HSD17B11: variants seen among roughly 807,000 people sequenced by gnomAD.
HSD17B11 encodes estradiol 17-beta-dehydrogenase 11.
In HSD17B11, 22 loss-of-function variants were observed where a neutral mutation model predicts 27.8. The observed-to-expected ratio is 0.79, with a 90% confidence interval of 0.56 to 1.13. The LOEUF (loss-of-function observed/expected upper bound fraction) is 1.13. HSD17B11 is among the 50% of genes most tolerant of loss of function. The probability of loss-of-function intolerance (pLI) is 0.00; values close to 1 mark genes in which losing one functional copy is unlikely to be tolerated. For synonymous variants in HSD17B11, 117 were observed against 132.8 expected, an observed-to-expected ratio of 0.88 and a Z score of 0.82; for missense variants, 314 against 351.1, an observed-to-expected ratio of 0.89 and a Z score of 0.84.
intron 1 of HSD17B11, among the ~76,000 whole-genome samples, chr4:87,383,420 A>C (rs1167486403): frequency 1.3e-5 from 2 of 152,204 alleles, no homozygotes; most frequent in African/African-American, 4.8e-5. Flanking sequence ...AGATGACACA[A>C]ACTTGAAATG....
At chr4:87,344,489 T>C (rs993792583) in intron 5 of HSD17B11, among the ~76,000 whole-genome samples, 3 of 152,170 alleles carry the variant, frequency 2.0e-5, no homozygotes, top group Non-Finnish European at 2.9e-5. Flanking sequence ...CCCAAAATAT[T>C]ATACATGAAG....
chr4:87,390,992 TAA>T lies in HSD17B11; in HGVS notation c.77_78del (p.Phe26TyrfsTer3). ...VCSLESFVKL[F>X]IPKRRKSVTG... ...GTGACTGATTTTCTCCTCTTAGGAA[TAA>T]AAAGCTTCACGAAGGACTCTAGGGA... On this transcript the variant is annotated frameshift_variant, in exon 1 of 7. Transcript: ENST00000358290. LOFTEE classifies it high-confidence loss of function. 6.2e-7 allele frequency: 1 copy of T among 1,613,974 alleles called. No individual in the cohort carries two copies. The highest frequency in any genetic ancestry group is 8.5e-7 in the Non-Finnish European group (1 of 1,179,978).
At chr4:87,343,682 G>A (rs1188976278) in intron 5 of HSD17B11, among the ~76,000 whole-genome samples, 2 of 151,918 alleles carry the variant, frequency 1.3e-5, no homozygotes, top group African/African-American at 4.8e-5. Context: ...CAAGTAGCTG[G>A]GATTACAGGC....
chr4:87,364,336 G>A (rs1735580129), intron 4 of HSD17B11, among the ~76,000 whole-genome samples: 2 of 151,610 alleles, frequency 1.3e-5, no homozygotes, highest in Non-Finnish European at 1.5e-5. Flanking sequence ...ATTAAAAGCA[G>A]ATAGATTCCT....
rs149487563 is a variant in HSD17B11 at position 87,363,171 on chromosome 4, G to T, written c.558-5755C>A. On this transcript the variant is annotated intron_variant, in intron 4 of 6. Coordinates refer to ENST00000358290, the MANE Select transcript of HSD17B11 (RefSeq NM_016245.5). ...ATGCAGCTTGGCCCCCGGGGAGATG[G>T]TGCCACAAGCCCGATCACTAGGGCT... Among the ~76,000 whole-genome samples, 381 of 152,182 alleles carry T rather than the reference G, an allele frequency of 2.5e-3. 3 individuals are homozygous for T. Among genetic ancestry groups the T allele is most frequent in the South Asian group, 0.021 (99 of 4,822 alleles).
Position 87,340,590 on chromosome 4 carries a change from C to G in HSD17B11, c.712G>C (p.Glu238Gln), listed in dbSNP as rs1439643805. The G allele has an allele frequency of 3.1e-6, 5 of 1,611,572 alleles. No individual in the cohort carries two copies. The Middle Eastern group carries it at 5.0e-4, about 160-fold the overall frequency. The change falls in exon 6 of 7, where the codon GAA becomes CAA. Residue 238 changes from glutamate to glutamine, a missense_variant. Physicochemically the swap from Glu to Gln is conservative, Grantham distance 29 (BLOSUM62 2). Coordinates refer to ENST00000358290, the MANE Select transcript of HSD17B11 (RefSeq NM_016245.5). Reference sequence around the variant, plus strand: ...AGCCTGTTTACCACTTCCTCAGGTTCCAGAGTGGGTCCCAAACTGAAATCA... The same window carrying G: ...AGCCTGTTTACCACTTCCTCAGGTTGCAGAGTGGGTCCCAAACTGAAATCA... ...NPSTSLGPTLEPEEVVNRLMH... is the reference protein window; with the variant it reads ...NPSTSLGPTLQPEEVVNRLMH...
chr4:87,363,184 G>A (rs534121495), intron 4 of HSD17B11, among the ~76,000 whole-genome samples: 49 of 152,120 alleles, frequency 3.2e-4, no homozygotes, highest in Middle Eastern at 3.4e-3. Flanking sequence ...CCACAAGCCC[G>A]ATCACTAGGG....
chr4:87,383,168 C>T (rs1720218284), intron 1 of HSD17B11, among the ~76,000 whole-genome samples: 1 of 152,036 alleles, frequency 6.6e-6, no homozygotes, highest in South Asian at 2.1e-4. Context: ...CTTGTGGAAA[C>T]CACTAGTAGG....
intron 5 of HSD17B11, among the ~76,000 whole-genome samples, chr4:87,341,024 A>G (rs1735156245): frequency 6.6e-6 from 1 of 152,216 alleles, no homozygotes; most frequent in South Asian, 2.1e-4. Context: ...AAGTTTTATT[A>G]TATACTCAGT....
intron 4 of HSD17B11, among the ~76,000 whole-genome samples, chr4:87,370,747 TTATTATTA>T (rs1239656436): frequency 7.3e-4 from 4 of 5,516 alleles, no homozygotes; most frequent in African/African-American, 2.4e-3. Context: ...ATTATTATTA[TTATTATTA>T]TTTTTTTTTT....
At chr4:87,346,411 G>T (rs1735271275) in intron 5 of HSD17B11, among the ~76,000 whole-genome samples, 1 of 152,210 alleles carries the variant, frequency 6.6e-6, no homozygotes, top group Non-Finnish European at 1.5e-5. Flanking sequence ...CACTTTGGGA[G>T]GCCGAGGCAG....
intron 4 of HSD17B11, among the ~76,000 whole-genome samples, chr4:87,363,656 G>A (rs1231840409): frequency 1.3e-5 from 2 of 152,200 alleles, no homozygotes; most frequent in South Asian, 2.1e-4. Flanking sequence ...GTCATAGCCA[G>A]CTCTGAAAAT....
chr4:87,379,937 T>C (rs1053340072), intron 2 of HSD17B11, among the ~76,000 whole-genome samples: 5 of 146,980 alleles, frequency 3.4e-5, no homozygotes, highest in African/African-American at 7.4e-5. Context: ...ATATACTATA[T>C]AAGTATATAA....
Position 87,374,833 on chromosome 4 carries a change from TC to T in HSD17B11, c.319-4del. 1 of 1,556,428 alleles carries T rather than the reference TC, an allele frequency of 6.4e-7. No individual in the cohort carries two copies. The highest frequency in any genetic ancestry group is 2.3e-5 in the East Asian group (1 of 44,252). ...ACATCTCCAATTTCTGCCTTCACCT[TC>T]AAAAAATAAAATAAGAAAAGTAAAT... On this transcript the variant is annotated splice_polypyrimidine_tract_variant and splice_region_variant and intron_variant, in intron 2 of 6. Coordinates refer to ENST00000358290, the MANE Select transcript of HSD17B11 (RefSeq NM_016245.5).
intron 2 of HSD17B11, among the ~76,000 whole-genome samples, chr4:87,379,871 TATTA>T (rs757338079): frequency 3.2e-4 from 20 of 62,156 alleles, no homozygotes; most frequent in African/African-American, 8.7e-4. Context: ...TGTATTATAC[TATTA>T]ATTATTATTA....
intron 5 of HSD17B11, among the ~76,000 whole-genome samples, chr4:87,341,247 C>T (rs891100809): frequency 6.6e-6 from 1 of 152,144 alleles, no homozygotes; most frequent in Non-Finnish European, 1.5e-5. Flanking sequence ...TCTTGGCTCA[C>T]TGCAACCTCC....
intron 5 of HSD17B11, among the ~76,000 whole-genome samples, chr4:87,353,249 G>A (rs1443254868): frequency 1.3e-5 from 2 of 151,992 alleles, no homozygotes. Flanking sequence ...CATAAAGGGG[G>A]ATTACTGGGC....
intron 1 of HSD17B11, 61 bp from the exon 2 acceptor site, chr4:87,382,423 T>C: frequency 2.0e-6 from 2 of 979,470 alleles, no homozygotes; most frequent in Non-Finnish European, 3.2e-6. Flanking sequence ...TATCGACAGC[T>C]GAAAATAATT....
At chr4:87,382,200 CA>C (rs1560771471) in intron 2 of HSD17B11, 54 bp downstream of exon 2, 13 of 1,351,696 alleles carry the variant, frequency 9.6e-6, no homozygotes, top group Non-Finnish European at 1.2e-5. Flanking sequence ...GGGTCATCTC[CA>C]AAACACCTCC....
Sources: allele counts gnomAD v4.1 joint callset (sites outside exome capture counted in the v4.1 genomes callset), GRCh38; gene constraint gnomAD v4.1.1; transcripts MANE v1.5; gene names NCBI Gene and HGNC (gene_info 2026-07-23, HGNC 2026-07-21).